The following NRXN3 variants were observed in gnomAD, a reference collection of about 807,000 sequenced individuals.
NRXN3 encodes neurexin 3, also known as neurexin III.
Under a neutral mutation model 137.6 loss-of-function variants are expected in NRXN3, and 32 were observed. That is an observed-to-expected ratio of 0.23 (90% confidence interval 0.18 to 0.31). The LOEUF (loss-of-function observed/expected upper bound fraction) is 0.31, where lower values mean the gene tolerates loss of function less well. NRXN3 is among the 10% of genes least tolerant of loss of function. The pLI, the probability that NRXN3 is intolerant of heterozygous loss-of-function variation, is 1.00. For missense variants in NRXN3, 1,574 were observed against 2,062.5 expected, an observed-to-expected ratio of 0.76 and a Z score of 4.59; for synonymous variants, 798 against 784.5, an observed-to-expected ratio of 1.02 and a Z score of -0.29.
At chr14:78,794,937 CAA>C (rs59817830) in intron 8 of NRXN3, among the ~76,000 whole-genome samples, 2 of 142,442 alleles carry the variant, frequency 1.4e-5, no homozygotes, top group East Asian at 4.1e-4. Context: ...AACAAACAAA[CAA>C]AAAAAAAAGT....
At chr14:79,607,976 T>C (rs1303017731) in intron 16 of NRXN3, among the ~76,000 whole-genome samples, 1 of 152,202 alleles carries the variant, frequency 6.6e-6, no homozygotes, top group East Asian at 1.9e-4. Flanking sequence ...TGCCTGGCCA[T>C]CAAATGTTTT....
intron 15 of NRXN3, among the ~76,000 whole-genome samples, chr14:79,322,794 C>T (rs1463008272): frequency 6.6e-6 from 1 of 152,168 alleles, no homozygotes; most frequent in Non-Finnish European, 1.5e-5. Flanking sequence ...GAGAAATGTA[C>T]AGTGCAAATT....
intron 10 of NRXN3, among the ~76,000 whole-genome samples, chr14:78,915,260 G>A (rs1376803951): frequency 7.4e-6 from 1 of 135,636 alleles, no homozygotes; most frequent in African/African-American, 2.7e-5. Flanking sequence ...GTACTGTGTG[G>A]TTTATAAAAC....
chr14:78,242,831 A>C lies in NRXN3; in HGVS notation c.-263A>C. ...CTCCAGTCCCTCACTTCCCCACCTG[A>C]TTTTCCTCCTCTTCTGCTGGTCCTG... On this transcript the variant is annotated 5_prime_UTR_variant, in exon 2 of 21. Transcript: ENST00000335750. 2 of 443,144 alleles carry C rather than the reference A, an allele frequency of 4.5e-6. No homozygotes were observed. Among genetic ancestry groups the C allele is most frequent in the Non-Finnish European group, 3.9e-6 (1 of 253,314 alleles). 27.5% of individuals were successfully genotyped at this position (443,144 alleles called of 1,614,324 possible). A position where few individuals can be genotyped will look rare whatever the true frequency, so the allele number is the denominator to read the frequency against.
chr14:78,867,429 T>C (rs1346617197), intron 10 of NRXN3, among the ~76,000 whole-genome samples: 2 of 152,180 alleles, frequency 1.3e-5, no homozygotes, highest in Non-Finnish European at 2.9e-5. Context: ...TTCTTACTGA[T>C]CAAATGGATC....
chr14:79,398,896 G>A (rs947252925), intron 15 of NRXN3, among the ~76,000 whole-genome samples: 1 of 150,792 alleles, frequency 6.6e-6, no homozygotes, highest in Admixed American at 6.6e-5. Context: ...TGTAGTCCCA[G>A]CTACTCGGTA....
At chr14:79,272,379 G>A (rs1320177937) in intron 15 of NRXN3, among the ~76,000 whole-genome samples, 2 of 152,074 alleles carry the variant, frequency 1.3e-5, no homozygotes, top group Non-Finnish European at 2.9e-5. Context: ...AAGGACAGGG[G>A]CTGCGGTTTC....
chr14:79,793,803 A>G (rs979459622), intron 19 of NRXN3, among the ~76,000 whole-genome samples: 1 of 152,252 alleles, frequency 6.6e-6, no homozygotes, highest in Non-Finnish European at 1.5e-5. Context: ...ATTGTGTGCA[A>G]TGCCAGTTTT....
At chr14:78,610,698 G>C (rs951658332) in intron 4 of NRXN3, among the ~76,000 whole-genome samples, 8 of 152,318 alleles carry the variant, frequency 5.3e-5, no homozygotes, top group African/African-American at 1.4e-4. Context: ...CTGAATGTTG[G>C]AGATTGAGAG....
rs117738719 is a variant in NRXN3, at chr14:79,665,128, T to C, written c.3616+1179T>C. 1.9e-3 allele frequency among the ~76,000 whole-genome samples: 290 copies of C among 152,282 alleles called. 2 individuals carry two copies. The highest frequency in any genetic ancestry group is 5.4e-3 in the Admixed American group (82 of 15,276). ...TCTCCACACCTAACTCAGCATTAATTTTCTTTAAAAGCCTATCAGAAGTAT... is the reference window on the plus strand; with the variant it reads ...TCTCCACACCTAACTCAGCATTAATCTTCTTTAAAAGCCTATCAGAAGTAT... On this transcript the variant is annotated intron_variant, in intron 17 of 20. Transcript: ENST00000335750.
chr14:78,611,731 A>G (rs2097302669), intron 4 of NRXN3, among the ~76,000 whole-genome samples: 1 of 152,040 alleles, frequency 6.6e-6, no homozygotes, highest in African/African-American at 2.4e-5. Flanking sequence ...GACATGAAAA[A>G]CTTCAGAGTC....
chr14:79,853,667 T>C, intron 20 of NRXN3: 1 of 1,305,534 alleles, frequency 7.7e-7, no homozygotes, highest in South Asian at 1.3e-5. Context: ...CTCCCCTTCC[T>C]GCATCTTTCC....
intron 20 of NRXN3, among the ~76,000 whole-genome samples, chr14:79,845,497 A>G (rs1052995979): frequency 4.0e-5 from 6 of 151,324 alleles, no homozygotes; most frequent in African/African-American, 1.5e-4. Flanking sequence ...TAATTTCTAT[A>G]TTGCTGTGTC....
intron 15 of NRXN3, among the ~76,000 whole-genome samples, chr14:79,131,306 GT>G (rs983952373): frequency 8.5e-5 from 13 of 152,112 alleles, no homozygotes; most frequent in African/African-American, 3.1e-4. Flanking sequence ...CATCTTTGTG[GT>G]TTTATCTACT....
intron 16 of NRXN3, among the ~76,000 whole-genome samples, chr14:79,480,673 C>T (rs2096599500): frequency 6.6e-6 from 1 of 152,074 alleles, no homozygotes; most frequent in Non-Finnish European, 1.5e-5. Flanking sequence ...ATTGTAATCC[C>T]CAGTATTGGA....
At chr14:79,741,628 G>T (rs536193966) in intron 19 of NRXN3, among the ~76,000 whole-genome samples, 3 of 152,166 alleles carry the variant, frequency 2.0e-5, no homozygotes, top group African/African-American at 7.2e-5. Context: ...GGGATTACAG[G>T]TGTGCATCAC....
chr14:79,628,558 C>T (rs572756232), intron 16 of NRXN3, among the ~76,000 whole-genome samples: 16 of 152,150 alleles, frequency 1.1e-4, no homozygotes, highest in Non-Finnish European at 1.9e-4. Context: ...CTTGTGAGGG[C>T]AGATATTGGA....
intron 10 of NRXN3, among the ~76,000 whole-genome samples, chr14:78,830,744 T>A (rs2098979365): frequency 6.6e-6 from 1 of 152,072 alleles, no homozygotes; most frequent in African/African-American, 2.4e-5. Flanking sequence ...GCATTTTGAA[T>A]CTCTTCTCTA....
intron 20 of NRXN3, among the ~76,000 whole-genome samples, chr14:79,834,748 G>T (rs2099332799): frequency 6.6e-6 from 1 of 152,130 alleles, no homozygotes; most frequent in Admixed American, 6.6e-5. Flanking sequence ...ACTTGCAGCT[G>T]CCACAGATTC....
Sources: gnomAD v4.1 joint callset for allele counts (sites outside exome capture counted in the v4.1 genomes callset) on GRCh38, gnomAD v4.1.1 for gene constraint, MANE v1.5 for transcripts, NCBI Gene and HGNC (gene_info 2026-07-23, HGNC 2026-07-21) for gene names.